Variants in EFR3B observed in about 807,000 individuals in gnomAD.
EFR3B encodes EFR3 homolog B.
EFR3B carries 64 observed loss-of-function variants against 104.7 expected under a neutral mutation model. The observed-to-expected ratio is 0.61, with a 90% CI of 0.50 to 0.75. EFR3B has a LOEUF of 0.75. Ranked by LOEUF, EFR3B falls within the 30% of genes least tolerant of loss-of-function variation. The pLI, the probability that EFR3B is intolerant of heterozygous loss-of-function variation, is 0.00. For synonymous variants in EFR3B, 385 were observed against 417.9 expected, an observed-to-expected ratio of 0.92 and a Z score of 0.96; for missense variants, 750 against 1,078.5, an observed-to-expected ratio of 0.70 and a Z score of 4.27.
chr2:25,085,375 G>A (rs530903285), intron 1 of EFR3B, among the ~76,000 whole-genome samples: 1 of 152,266 alleles, frequency 6.6e-6, no homozygotes, highest in South Asian at 2.1e-4. Context: ...TACATTTGTA[G>A]TATTATATTC....
chr2:25,057,731 G>A (rs1179481715), intron 1 of EFR3B, among the ~76,000 whole-genome samples: 7 of 148,306 alleles, frequency 4.7e-5, no homozygotes, highest in East Asian at 4.0e-4. Flanking sequence ...GTAGTGAGCC[G>A]AGATTGCACC....
intron 1 of EFR3B, among the ~76,000 whole-genome samples, chr2:25,060,404 C>A (rs1388070284): frequency 6.6e-6 from 1 of 152,078 alleles, no homozygotes; most frequent in Non-Finnish European, 1.5e-5. Flanking sequence ...TCTTCATATT[C>A]TTTGGATCTC....
Position 25,085,487 on chromosome 2 carries a change from C to T in EFR3B, c.8-5838C>T, listed in dbSNP as rs114547078. Reference sequence around the variant, plus strand: ...GATTTTATTTATTTATTTATTGAGACGAAATCTCTTTCTGTTGCCCAGGCT... The same window carrying T: ...GATTTTATTTATTTATTTATTGAGATGAAATCTCTTTCTGTTGCCCAGGCT... On this transcript the variant is annotated intron_variant, in intron 1 of 22. Coordinates refer to ENST00000403714, the MANE Select transcript of EFR3B (RefSeq NM_014971.2). 4.6e-3 allele frequency among the ~76,000 whole-genome samples: 692 copies of T among 152,078 alleles called. 4 individuals are homozygous for T. Among genetic ancestry groups the T allele is most frequent in the African/African-American group, 0.016 (656 of 41,456 alleles).
At chr2:25,096,783 A>G (rs1025727950) in intron 3 of EFR3B, among the ~76,000 whole-genome samples, 2 of 152,174 alleles carry the variant, frequency 1.3e-5, no homozygotes, top group Non-Finnish European at 2.9e-5. Flanking sequence ...CTGGTCTTGA[A>G]CTACAGTGAA....
At chr2:25,149,567 G>A (rs922026086) in intron 19 of EFR3B, 127 bp from the exon 20 acceptor site, 1 of 933,936 alleles carries the variant, frequency 1.1e-6, no homozygotes, top group African/African-American at 1.6e-5. Context: ...GGGGTGTCCT[G>A]AGGGACTTCC....
intron 5 of EFR3B, among the ~76,000 whole-genome samples, chr2:25,123,319 C>A (rs545671904): frequency 9.9e-5 from 15 of 151,964 alleles, no homozygotes; most frequent in African/African-American, 3.4e-4. Flanking sequence ...ATGATCGCAC[C>A]CCTGCACTCC....
intron 1 of EFR3B, among the ~76,000 whole-genome samples, chr2:25,059,173 C>T (rs1022771828): frequency 4.1e-5 from 6 of 147,908 alleles, no homozygotes; most frequent in South Asian, 2.1e-4. Flanking sequence ...AGTGCAATGG[C>T]GCAATTTTGG....
In EFR3B at chr2:25,149,737, C is replaced by T. The variant is rs768575778; in HGVS notation, c.2186C>T (p.Ala729Val). 3.2e-6 allele frequency: 5 copies of T among 1,551,500 alleles called. No individual in the cohort carries two copies. Among genetic ancestry groups the T allele is most frequent in the Non-Finnish European group, 4.4e-6 (5 of 1,146,826 alleles). Residue 729 changes from alanine (A) to valine (V), a missense_variant, in exon 20 of 23, where the codon GCC becomes GTC. Transcript: ENST00000403714. The part of the protein sequence containing the change: ...EEITYETLKK[A>V]IVDSVAVEEQ... ...ATCACCTATGAGACACTGAAGAAAG[C>T]CATTGGTAAGTCAGGGCAAAGGGAC...
At chr2:25,125,785 A>G (rs1670149666) in intron 5 of EFR3B, among the ~76,000 whole-genome samples, 1 of 152,156 alleles carries the variant, frequency 6.6e-6, no homozygotes, top group South Asian at 2.1e-4. Flanking sequence ...TGTCTCTACT[A>G]AAAATACAAA....
chr2:25,070,589 T>A (rs888875321), intron 1 of EFR3B, among the ~76,000 whole-genome samples: 8 of 152,094 alleles, frequency 5.3e-5, no homozygotes, highest in Non-Finnish European at 1.0e-4. Context: ...AAAATTCAAA[T>A]CTGGAGGAGC....
chr2:25,117,469 A>T (rs1267195678), intron 4 of EFR3B, among the ~76,000 whole-genome samples: 2 of 149,722 alleles, frequency 1.3e-5, no homozygotes, highest in Non-Finnish European at 3.0e-5. Context: ...CTGGAGTGCA[A>T]TGGTGCAATC....
chr2:25,155,123 G>C lies in EFR3B; in HGVS notation c.*783G>C, dbSNP rs1282303181. On this transcript the variant is annotated 3_prime_UTR_variant, in exon 23 of 23. Coordinates refer to ENST00000403714, the MANE Select transcript of EFR3B (RefSeq NM_014971.2). ...TTTCAGAGTTGGGTTCTCTCTCTTTGATGTCTTTCTTCTGAGGGTCCCAAG... is the reference window on the plus strand; with the variant it reads ...TTTCAGAGTTGGGTTCTCTCTCTTTCATGTCTTTCTTCTGAGGGTCCCAAG... The C allele has an allele frequency of 6.6e-6, 1 of 152,276 alleles. No individual in the cohort carries two copies. The highest frequency in any genetic ancestry group is 1.5e-5 in the Non-Finnish European group (1 of 68,172). The allele number at this position is 152,276 out of a possible 1,614,324, so 9.4% of individuals were successfully genotyped here.
At chr2:25,048,775 C>T (rs1667788402) in intron 1 of EFR3B, among the ~76,000 whole-genome samples, 1 of 152,176 alleles carries the variant, frequency 6.6e-6, no homozygotes. Flanking sequence ...ACAATCATAA[C>T]CTAGGAAAAG....
At chr2:25,057,295 A>G (rs868069572) in intron 1 of EFR3B, among the ~76,000 whole-genome samples, 4 of 152,224 alleles carry the variant, frequency 2.6e-5, no homozygotes, top group South Asian at 4.1e-4. Context: ...CTTTGCATGC[A>G]TTCTAGTTTC....
rs1250647813 is a variant in EFR3B, at chr2:25,128,205, G to C, written c.508G>C (p.Gly170Arg). Residue 170 changes from glycine (G) to arginine (R), a missense_variant, in exon 6 of 23, where the codon GGC becomes CGC. Gly to Arg is a moderately radical substitution (Grantham distance 125). Coordinates refer to ENST00000403714, the MANE Select transcript of EFR3B (RefSeq NM_014971.2). ...KTKIRMSGIKGLQGVVRKTVN... is the reference protein window; with the variant it reads ...KTKIRMSGIKRLQGVVRKTVN... ...CAGAATTCGAATGTCAGGCATCAAAGGCCTGCAAGGGGTGGTGAGGAAGAC... is the reference window on the plus strand; with the variant it reads ...CAGAATTCGAATGTCAGGCATCAAACGCCTGCAAGGGGTGGTGAGGAAGAC... 2 of 1,551,634 alleles carry C rather than the reference G, an allele frequency of 1.3e-6. No homozygotes were observed. The highest frequency in any genetic ancestry group is 1.7e-6 in the Non-Finnish European group (2 of 1,147,010).
chr2:25,131,733 C>T lies in EFR3B; in HGVS notation c.986-17C>T, dbSNP rs1234250400. ...TGCCAGCCTTGGATCTCGGGTGTCC[C>T]GCCCCACCGCTCTCAGGGCCCACAG... is the stretch of plus-strand genomic sequence containing the variant. On this transcript the variant is annotated splice_polypyrimidine_tract_variant and intron_variant, in intron 9 of 22. Coordinates refer to ENST00000403714, the MANE Select transcript of EFR3B (RefSeq NM_014971.2). The surrounding 1 kb of genome is among the most constrained non-coding windows in gnomAD (Gnocchi z 7.6). The T allele has an allele frequency of 2.0e-6, 3 of 1,489,652 alleles. No homozygotes were observed. Among genetic ancestry groups the T allele is most frequent in the African/African-American group, 1.4e-5 (1 of 71,562 alleles). 92.3% of individuals were successfully genotyped at this position (1,489,652 alleles called of 1,614,324 possible). A position where few individuals can be genotyped will look rare whatever the true frequency, so the allele number is the denominator to read the frequency against.
intron 4 of EFR3B, among the ~76,000 whole-genome samples, chr2:25,119,862 A>G (rs1669965760): frequency 6.6e-6 from 1 of 152,242 alleles, no homozygotes; most frequent in Non-Finnish European, 1.5e-5. Context: ...TGTTAAATAC[A>G]GACACAAATT....
At chr2:25,103,832 G>T in intron 4 of EFR3B, 45 bp downstream of exon 4, 8 of 1,544,686 alleles carry the variant, frequency 5.2e-6, no homozygotes, top group Middle Eastern at 1.7e-4. Flanking sequence ...GCCGCATCCT[G>T]GGGGGTGGCA....
intron 12 of EFR3B, among the ~76,000 whole-genome samples, chr2:25,134,059 A>AAG (rs1670453422): frequency 6.6e-6 from 1 of 152,140 alleles, no homozygotes; most frequent in Non-Finnish European, 1.5e-5. Flanking sequence ...CCCTGGCCTA[A>AAG]ACCTGACATC....
Sources: allele counts gnomAD v4.1 joint callset (sites outside exome capture counted in the v4.1 genomes callset), GRCh38; gene constraint gnomAD v4.1.1; non-coding constraint Gnocchi (gnomAD v3.1); transcripts MANE v1.5; gene names NCBI Gene and HGNC (gene_info 2026-07-23, HGNC 2026-07-21).